ALG12: variants seen among roughly 807,000 people sequenced by gnomAD.
ALG12 encodes dol-P-Man:Man(7)GlcNAc(2)-PP-Dol alpha-1,6-mannosyltransferase.
Under a neutral mutation model 46.0 loss-of-function variants are expected in ALG12, and 36 were observed. The observed-to-expected ratio is 0.78, with a 90% confidence interval of 0.60 to 1.03. The LOEUF (loss-of-function observed/expected upper bound fraction) is 1.03. Ranked by LOEUF, ALG12 falls within the 50% of genes least tolerant of loss-of-function variation. The pLI is 0.00. For synonymous variants in ALG12, 326 were observed against 291.6 expected (o/e 1.12, Z -1.20); for missense variants, 599 against 633.5 (o/e 0.95, Z 0.58).
the ALG12 span, chr22:49,890,194 C>T: frequency 4.6e-5 from 7 of 152,268 alleles, no homozygotes; most frequent in East Asian, 1.4e-3. Context: ...GTAGTCCCAG[C>T]TACTTGGGAG....
chr22:49,865,815 T>C, the ALG12 span, among the ~76,000 whole-genome samples: 1 of 152,094 alleles, frequency 6.6e-6, no homozygotes, highest in Non-Finnish European at 1.5e-5. Flanking sequence ...GCATTCATTG[T>C]GCTCGAAGGT....
the ALG12 span, chr22:49,884,901 C>T: frequency 1.9e-6 from 3 of 1,602,204 alleles, no homozygotes; most frequent in Non-Finnish European, 2.6e-6. Flanking sequence ...ACGTGGCGGC[C>T]TTCTCATCTT....
the ALG12 span, among the ~76,000 whole-genome samples, chr22:49,864,055 GTTTCT>G: frequency 6.6e-6 from 1 of 152,134 alleles, no homozygotes; most frequent in African/African-American, 2.4e-5. Context: ...TTCAGCTCTG[GTTTCT>G]TTTAAGGGCT....
chr22:49,908,627 G>C (rs938501009), intron 6 of ALG12, among the ~76,000 whole-genome samples: 2 of 145,178 alleles, frequency 1.4e-5, no homozygotes, highest in African/African-American at 5.4e-5. Context: ...GTGTATGTTT[G>C]ACATAATTCC....
chr22:49,882,922 G>A, the ALG12 span, among the ~76,000 whole-genome samples: 33 of 152,282 alleles, frequency 2.2e-4, no homozygotes, highest in African/African-American at 7.5e-4. Context: ...TTTCAAATTC[G>A]TATTTCATGT....
intron 1 of ALG12, among the ~76,000 whole-genome samples, chr22:49,917,705 C>CTTTTTTTTTTTT (rs111244256): frequency 5.6e-5 from 8 of 143,350 alleles, no homozygotes; most frequent in Middle Eastern, 3.8e-3. Context: ...TCAGATGTTA[C>CTTTTTTTTTTTT]TTTTTTTTTT....
downstream of ALG12, among the ~76,000 whole-genome samples, chr22:49,896,626 AT>A (rs763952106): frequency 1.3e-4 from 19 of 151,784 alleles, 2 homozygotes; most frequent in East Asian, 3.9e-4. Flanking sequence ...TGTCCTCTTA[AT>A]TTTTTTTATT....
At chr22:49,893,609 T>C in the ALG12 span, among the ~76,000 whole-genome samples, 2 of 151,966 alleles carry the variant, frequency 1.3e-5, no homozygotes, top group East Asian at 1.9e-4. Context: ...AAACAAAAAA[T>C]TGCAGAAACT....
the ALG12 span, among the ~76,000 whole-genome samples, chr22:49,881,960 T>C: frequency 6.6e-6 from 1 of 152,362 alleles, no homozygotes; most frequent in Middle Eastern, 3.4e-3. Context: ...TGGAACACTT[T>C]TTAGGGCAAC....
intron 1 of ALG12, among the ~76,000 whole-genome samples, chr22:49,916,610 G>A (rs991550105): frequency 3.9e-5 from 6 of 152,170 alleles, no homozygotes; most frequent in African/African-American, 1.4e-4. Flanking sequence ...CAAGCCGGAT[G>A]TGTTGGCTCA....
intron 7 of ALG12, among the ~76,000 whole-genome samples, chr22:49,904,945 G>A (rs1322934938): frequency 6.6e-6 from 1 of 152,030 alleles, no homozygotes; most frequent in South Asian, 2.1e-4. Context: ...TCACTATGTT[G>A]GCCAGGCTAG....
chr22:49,884,717 A>T, the ALG12 span: 2 of 1,595,852 alleles, frequency 1.3e-6, no homozygotes, highest in East Asian at 2.2e-5. Flanking sequence ...CCGCCACTGT[A>T]CTCCACCCCT....
the ALG12 span, chr22:49,885,976 G>A: frequency 2.8e-6 from 2 of 702,160 alleles, no homozygotes; most frequent in South Asian, 1.6e-5. Context: ...GCTGTTGGAC[G>A]TGTCGCAGGT....
chr22:49,867,467 T>C, the ALG12 span, among the ~76,000 whole-genome samples: 1 of 152,256 alleles, frequency 6.6e-6, no homozygotes, highest in African/African-American at 2.4e-5. Context: ...ACTTTCTGTC[T>C]AGTTCTGGGT....
At chr22:49,881,623 C>G in the ALG12 span, among the ~76,000 whole-genome samples, 3 of 152,164 alleles carry the variant, frequency 2.0e-5, no homozygotes, top group African/African-American at 4.8e-5. Flanking sequence ...AGTGATCGTC[C>G]CATCTCAGCC....
At chr22:49,873,596 C>T in the ALG12 span, among the ~76,000 whole-genome samples, 3 of 152,210 alleles carry the variant, frequency 2.0e-5, no homozygotes, top group Non-Finnish European at 4.4e-5. Flanking sequence ...AAAATGGCAC[C>T]GATGGACGTG....
the ALG12 span, among the ~76,000 whole-genome samples, chr22:49,876,319 C>T: frequency 6.6e-5 from 10 of 152,160 alleles, 1 homozygote; most frequent in South Asian, 1.2e-3. Flanking sequence ...TTGAATCTTC[C>T]GTGTCTTTAC....
At chr22:49,893,893 G>T in the ALG12 span, among the ~76,000 whole-genome samples, 1 of 152,234 alleles carries the variant, frequency 6.6e-6, no homozygotes. Context: ...GCCAGGTGCA[G>T]TGGCTCACAC....
chr22:49,892,578 A>T, the ALG12 span, among the ~76,000 whole-genome samples: 2 of 152,212 alleles, frequency 1.3e-5, no homozygotes, highest in African/African-American at 4.8e-5. Flanking sequence ...GAAAGCTGAG[A>T]CATCTTTGGG....
Sources: allele counts gnomAD v4.1 joint callset (sites outside exome capture counted in the v4.1 genomes callset), GRCh38; gene constraint gnomAD v4.1.1; transcripts MANE v1.5; gene names NCBI Gene and HGNC (gene_info 2026-07-23, HGNC 2026-07-21).